CSMD1: variants seen among roughly 807,000 people sequenced by gnomAD.
CSMD1 encodes CUB and Sushi multiple domains 1, also known as CUB and sushi domain-containing protein 1.
A neutral mutation model predicts 417.5 loss-of-function variants in CSMD1; 213 were observed. That is an observed-to-expected ratio of 0.51 (90% confidence interval 0.46 to 0.57). The LOEUF is 0.57. Among genes scored for constraint, CSMD1 ranks in the 20% least tolerant of loss-of-function variants. The probability of loss-of-function intolerance (pLI) is 0.00; values close to 1 mark genes in which losing one functional copy is unlikely to be tolerated. For synonymous variants in CSMD1, 2,862 were observed against 1,736.8 expected (o/e 1.65, Z -16.11); for missense variants, 6,923 against 4,529.7 (o/e 1.53, Z -15.17).
intron 1 of CSMD1, among the ~76,000 whole-genome samples, chr8:4,749,333 C>G (rs1466399257): frequency 6.6e-6 from 1 of 152,224 alleles, no homozygotes; most frequent in Non-Finnish European, 1.5e-5. Flanking sequence ...CAAAATCTTA[C>G]ATTAAACGTA....
rs1811936129 is a variant in CSMD1, at chr8:4,759,962, G to T, written c.86-122404C>A. Among the ~76,000 whole-genome samples the T allele has an allele frequency of 3.9e-5, 6 of 152,154 alleles. No individual in the cohort carries two copies. The South Asian group carries it at 1.2e-3, about 32-fold the overall frequency. On this transcript the variant is annotated intron_variant, in intron 1 of 69. Coordinates refer to ENST00000635120, the MANE Select transcript of CSMD1 (RefSeq NM_033225.6). Reference sequence around the variant, plus strand: ...ATTACTAGGTCAAAGGGTATTTCTGGTTTTAGAACTTTGAGGAATCACCAC... The same window carrying T: ...ATTACTAGGTCAAAGGGTATTTCTGTTTTTAGAACTTTGAGGAATCACCAC...
chr8:4,966,502 T>G (rs1278608646), intron 1 of CSMD1, among the ~76,000 whole-genome samples: 4 of 152,156 alleles, frequency 2.6e-5, no homozygotes, highest in Non-Finnish European at 4.4e-5. Flanking sequence ...GCGAGGCCCT[T>G]AAGGGGCTGC....
intron 2 of CSMD1, among the ~76,000 whole-genome samples, chr8:4,427,909 C>A (rs1563162654): frequency 1.3e-5 from 2 of 152,138 alleles, no homozygotes; most frequent in Non-Finnish European, 2.9e-5. Context: ...AGGGCACAGA[C>A]TGCCCTTTAT....
intron 21 of CSMD1, among the ~76,000 whole-genome samples, chr8:3,358,034 A>G (rs1335433193): frequency 6.6e-6 from 1 of 152,202 alleles, no homozygotes; most frequent in African/African-American, 2.4e-5. Flanking sequence ...AAGCAACCCC[A>G]AAAATCTGCC....
chr8:4,188,438 G>C (rs1392661090), intron 3 of CSMD1, among the ~76,000 whole-genome samples: 2 of 152,108 alleles, frequency 1.3e-5, no homozygotes, highest in Non-Finnish European at 2.9e-5. Flanking sequence ...TACAAGTCCT[G>C]AAATCCAGCC....
intron 3 of CSMD1, among the ~76,000 whole-genome samples, chr8:4,385,030 G>C (rs117100741): frequency 0.084 from 12,820 of 152,116 alleles, 696 homozygotes; most frequent in South Asian, 0.19. Context: ...TGGTTCAAGG[G>C]ATTCTCCTGC....
intron 3 of CSMD1, among the ~76,000 whole-genome samples, chr8:4,162,873 C>T (rs1369774931): frequency 1.3e-5 from 2 of 152,160 alleles, no homozygotes; most frequent in East Asian, 3.9e-4. Context: ...AGTTTCCCCG[C>T]CCTAAAAATT....
intron 41 of CSMD1, among the ~76,000 whole-genome samples, chr8:3,129,256 A>G (rs1008106807): frequency 2.0e-4 from 30 of 152,338 alleles, no homozygotes; most frequent in African/African-American, 5.8e-4. Context: ...ATGGAATTCT[A>G]AATACTGATA....
Position 3,117,038 on chromosome 8 carries a change from G to T in CSMD1, c.6430+1361C>A, listed in dbSNP as rs189104173. Among the ~76,000 whole-genome samples, 3 of 152,114 alleles carry T rather than the reference G, an allele frequency of 2.0e-5. No homozygotes were observed. In the East Asian group the frequency reaches 5.8e-4, roughly 29 times the overall value. ...TTAAGATAAAATACTTTTAAAATGTGGCTAAAGAATTGTTTGTAGTTATTT... is the reference window on the plus strand; with the variant it reads ...TTAAGATAAAATACTTTTAAAATGTTGCTAAAGAATTGTTTGTAGTTATTT... On this transcript the variant is annotated intron_variant, in intron 42 of 69. Transcript: ENST00000635120.
chr8:4,310,325 C>T (rs1798490912), intron 3 of CSMD1, among the ~76,000 whole-genome samples: 1 of 152,116 alleles, frequency 6.6e-6, no homozygotes. Context: ...GGGAAAAGGC[C>T]TCCACACTGG....
At chr8:3,533,571 T>C (rs1798068157) in intron 10 of CSMD1, among the ~76,000 whole-genome samples, 1 of 152,198 alleles carries the variant, frequency 6.6e-6, no homozygotes, top group Non-Finnish European at 1.5e-5. Context: ...GTTCACACAC[T>C]GCTGTTGAAT....
intron 2 of CSMD1, among the ~76,000 whole-genome samples, chr8:4,451,004 C>A (rs1799109937): frequency 7.2e-6 from 1 of 138,686 alleles, no homozygotes; most frequent in African/African-American, 2.9e-5. Context: ...GCTAAGCTTT[C>A]TGTTGACCAA....
At chr8:4,347,217 T>A (rs530099610) in intron 3 of CSMD1, among the ~76,000 whole-genome samples, 1 of 152,096 alleles carries the variant, frequency 6.6e-6, no homozygotes, top group Non-Finnish European at 1.5e-5. Flanking sequence ...TAGAAATACT[T>A]GGAAATTACA....
At chr8:3,676,764 C>A (rs2117575152) in intron 7 of CSMD1, among the ~76,000 whole-genome samples, 1 of 152,200 alleles carries the variant, frequency 6.6e-6, no homozygotes, top group East Asian at 1.9e-4. Flanking sequence ...CACTTGGAAC[C>A]AACCCAAATG....
intron 52 of CSMD1, among the ~76,000 whole-genome samples, chr8:3,014,858 G>T (rs905955915): frequency 5.9e-5 from 9 of 151,902 alleles, no homozygotes; most frequent in African/African-American, 2.2e-4. Flanking sequence ...CGAGGTAGCA[G>T]TGAGCTGTTG....
At chr8:4,434,821 G>T (rs1160342680) in intron 2 of CSMD1, among the ~76,000 whole-genome samples, 1 of 152,008 alleles carries the variant, frequency 6.6e-6, no homozygotes, top group Non-Finnish European at 1.5e-5. Context: ...ACTTCACCAG[G>T]GCTCAACCAT....
chr8:4,423,332 T>C lies in CSMD1; in HGVS notation c.303-3267A>G, dbSNP rs151241609. ...AATGCCAAGGAATCTACAAGAAAAT[T>C]TGTAGAGCTAATACTTGATATCATC... On this transcript the variant is annotated intron_variant, in intron 2 of 69. Coordinates refer to ENST00000635120, the MANE Select transcript of CSMD1 (RefSeq NM_033225.6). 1.2e-3 allele frequency among the ~76,000 whole-genome samples: 182 copies of C among 152,182 alleles called. 1 individual carries two copies. In the East Asian group the frequency reaches 0.027, roughly 23 times the overall value.
intron 1 of CSMD1, among the ~76,000 whole-genome samples, chr8:4,717,249 C>G (rs1191746261): frequency 6.7e-6 from 1 of 150,198 alleles, no homozygotes; most frequent in South Asian, 2.1e-4. Context: ...TTGGTAATGG[C>G]AGGATGAAAA....
At chr8:3,637,179 G>C (rs1029815540) in intron 7 of CSMD1, among the ~76,000 whole-genome samples, 1 of 152,284 alleles carries the variant, frequency 6.6e-6, no homozygotes, top group South Asian at 2.1e-4. Context: ...TAGGACAATT[G>C]TTTAACACAG....
Sources: allele counts gnomAD v4.1 joint callset (sites outside exome capture counted in the v4.1 genomes callset), GRCh38; gene constraint gnomAD v4.1.1; transcripts MANE v1.5; gene names NCBI Gene and HGNC (gene_info 2026-07-23, HGNC 2026-07-21).